The following CPQ variants were observed in gnomAD, a reference collection of about 807,000 sequenced individuals.
CPQ encodes Ser-Met dipeptidase.
A neutral mutation model predicts 45.7 loss-of-function variants in CPQ; 37 were observed. The observed-to-expected ratio is 0.81, with a 90% confidence interval of 0.62 to 1.07. The LOEUF (loss-of-function observed/expected upper bound fraction) is 1.07. Among genes scored for constraint, CPQ ranks in the 50% least tolerant of loss-of-function variants. The pLI is 0.00. For synonymous variants in CPQ, 186 were observed against 205.8 expected (o/e 0.90, Z 0.82); for missense variants, 537 against 572.9 (o/e 0.94, Z 0.64).
intron 7 of CPQ, chr8:97,092,479 G>C (rs1296629353): frequency 6.6e-6 from 1 of 152,120 alleles, no homozygotes; most frequent in Non-Finnish European, 1.5e-5. Flanking sequence ...CAGACACATA[G>C]GCCAATGGAA....
chr8:96,781,958 C>T (rs1471461676), intron 1 of CPQ, among the ~76,000 whole-genome samples: 3 of 152,148 alleles, frequency 2.0e-5, no homozygotes, highest in African/African-American at 7.2e-5. Context: ...TCCATGCTGC[C>T]CTGCTTCCTG....
At chr8:96,787,084 C>G (rs1487356862) in intron 2 of CPQ, among the ~76,000 whole-genome samples, 1 of 151,918 alleles carries the variant, frequency 6.6e-6, no homozygotes, top group African/African-American at 2.4e-5. Flanking sequence ...GGTATCATAT[C>G]AAACCATTGC....
intron 5 of CPQ, among the ~76,000 whole-genome samples, chr8:97,002,511 C>A (rs917375740): frequency 5.3e-5 from 8 of 152,140 alleles, no homozygotes; most frequent in African/African-American, 1.9e-4. Context: ...GCCTTAATTT[C>A]ATTGTTTACC....
At chr8:97,032,401 G>A (rs920245497) in intron 6 of CPQ, among the ~76,000 whole-genome samples, 8 of 152,182 alleles carry the variant, frequency 5.3e-5, no homozygotes, top group East Asian at 3.9e-4. Flanking sequence ...AGTGGCTGAC[G>A]TCATTTCTAC....
intron 1 of CPQ, among the ~76,000 whole-genome samples, chr8:96,755,779 T>G (rs933053956): frequency 1.3e-5 from 2 of 151,982 alleles, no homozygotes; most frequent in African/African-American, 4.8e-5. Flanking sequence ...ACTTAAAAAT[T>G]TGTATGCCAT....
intron 5 of CPQ, among the ~76,000 whole-genome samples, chr8:97,025,115 T>G (rs1809775295): frequency 6.6e-6 from 1 of 152,206 alleles, no homozygotes; most frequent in African/African-American, 2.4e-5. Flanking sequence ...TTTACTTTGC[T>G]CTGCCCCTCT....
At chr8:96,960,254 A>G (rs917747960) in intron 4 of CPQ, among the ~76,000 whole-genome samples, 5 of 152,188 alleles carry the variant, frequency 3.3e-5, no homozygotes, top group Non-Finnish European at 7.3e-5. Flanking sequence ...TTACAATTAT[A>G]TTTGATCTCT....
At chr8:96,735,141 A>G (rs1053007098) in intron 1 of CPQ, among the ~76,000 whole-genome samples, 3 of 152,012 alleles carry the variant, frequency 2.0e-5, no homozygotes, top group African/African-American at 7.3e-5. Context: ...ACTTATCACA[A>G]TTTTATCTAT....
At chr8:97,077,644 C>T (rs767575226) in intron 7 of CPQ, among the ~76,000 whole-genome samples, 6 of 152,190 alleles carry the variant, frequency 3.9e-5, no homozygotes, top group Non-Finnish European at 8.8e-5. Context: ...CTAGCATCCA[C>T]ATATATTTAT....
At chr8:96,835,283 T>C in intron 3 of CPQ, 103 bp downstream of exon 3, 1 of 928,656 alleles carries the variant, frequency 1.1e-6, no homozygotes, top group East Asian at 3.1e-5. Flanking sequence ...AAAATACTTA[T>C]TGTTCATGGA....
intron 1 of CPQ, among the ~76,000 whole-genome samples, chr8:96,704,685 A>G (rs755392372): frequency 6.6e-6 from 1 of 152,130 alleles, no homozygotes; most frequent in Non-Finnish European, 1.5e-5. Flanking sequence ...AGGAGGCTAT[A>G]TAGGGATTTG....
chr8:96,964,658 T>C (rs887682659), intron 4 of CPQ, among the ~76,000 whole-genome samples: 52 of 152,196 alleles, frequency 3.4e-4, no homozygotes, highest in African/African-American at 1.2e-3. Context: ...AGTAAATATT[T>C]AGAAAATTGT....
At chr8:96,989,967 G>C (rs970690969) in intron 5 of CPQ, among the ~76,000 whole-genome samples, 4 of 152,126 alleles carry the variant, frequency 2.6e-5, no homozygotes, top group Non-Finnish European at 5.9e-5. Context: ...AGGGCTCTCT[G>C]TAGTATTCTG....
At chr8:97,030,452 A>C (rs1326412842) in intron 6 of CPQ, among the ~76,000 whole-genome samples, 1 of 151,852 alleles carries the variant, frequency 6.6e-6, no homozygotes, top group Non-Finnish European at 1.5e-5. Context: ...GAATTTGGTC[A>C]CTGAATACAA....
intron 4 of CPQ, among the ~76,000 whole-genome samples, chr8:96,892,382 G>T (rs558051526): frequency 6.6e-6 from 1 of 152,144 alleles, no homozygotes; most frequent in African/African-American, 2.4e-5. Flanking sequence ...GGAACAGCAG[G>T]TTATTCTGCC....
At chr8:97,010,319 T>TA (rs1325026917) in intron 5 of CPQ, among the ~76,000 whole-genome samples, 1 of 152,004 alleles carries the variant, frequency 6.6e-6, no homozygotes, top group Non-Finnish European at 1.5e-5. Context: ...GGCATTGGAG[T>TA]AAAAATATAA....
At chr8:96,950,304 T>C (rs1168795266) in intron 4 of CPQ, among the ~76,000 whole-genome samples, 1 of 152,164 alleles carries the variant, frequency 6.6e-6, no homozygotes, top group Non-Finnish European at 1.5e-5. Flanking sequence ...AAACATAATA[T>C]TGTTTTCTTT....
chr8:96,789,950 A>G (rs970860494), intron 2 of CPQ, among the ~76,000 whole-genome samples: 2 of 151,992 alleles, frequency 1.3e-5, no homozygotes, highest in Non-Finnish European at 2.9e-5. Flanking sequence ...TTCAACCCCC[A>G]GGGTTTACTG....
chr8:96,731,351 T>C (rs1243680868), intron 1 of CPQ, among the ~76,000 whole-genome samples: 2 of 152,200 alleles, frequency 1.3e-5, no homozygotes, highest in Non-Finnish European at 2.9e-5. Flanking sequence ...TAGTTCAGGC[T>C]TTCCTCCAGG....
Sources: gnomAD v4.1 joint callset for allele counts (sites outside exome capture counted in the v4.1 genomes callset) on GRCh38, gnomAD v4.1.1 for gene constraint, MANE v1.5 for transcripts, NCBI Gene and HGNC (gene_info 2026-07-23, HGNC 2026-07-21) for gene names.